PHLPP2: variants seen among roughly 807,000 people sequenced by gnomAD.
PHLPP2 encodes the protein PH domain leucine-rich repeat-containing protein phosphatase 2.
In PHLPP2, 66 loss-of-function variants were observed where a neutral mutation model predicts 124.9. The observed-to-expected ratio is 0.53, with a 90% CI of 0.43 to 0.65. The LOEUF is 0.65. Among genes scored for constraint, PHLPP2 ranks in the 30% least tolerant of loss-of-function variants. The probability of loss-of-function intolerance (pLI) is 0.00; values close to 1 mark genes in which losing one functional copy is unlikely to be tolerated. For missense variants in PHLPP2, 1,685 were observed against 1,600.4 expected (o/e 1.05, Z -0.90); for synonymous variants, 681 against 624.7 (o/e 1.09, Z -1.34).
intron 3 of PHLPP2, among the ~76,000 whole-genome samples, chr16:71,694,171 G>A (rs1049302767): frequency 6.6e-6 from 1 of 151,704 alleles, no homozygotes; most frequent in Admixed American, 6.6e-5. Context: ...TCCAACCTGG[G>A]TGACAGAGCA....
rs1229345009 is a variant in PHLPP2 at position 71,645,554 on chromosome 16, T to TACC, written c.*3335_*3336insGGT. ...TGGATAGATAGAGAAGGTGAGCCTG[T>TACC]GGCTTCCAAGTACCGGCTTTTGCTG... is the stretch of plus-strand genomic sequence containing the variant. On this transcript the variant is annotated 3_prime_UTR_variant, in exon 19 of 19. Transcript: ENST00000568954. 6.5e-6 allele frequency: 1 copy of TACC among 152,694 alleles called. No individual in the cohort carries two copies. Among genetic ancestry groups the TACC allele is most frequent in the East Asian group, 1.9e-4 (1 of 5,192 alleles). The allele number at this position is 152,694 out of a possible 1,614,324, so 9.5% of individuals were successfully genotyped here.
intron 1 of PHLPP2, among the ~76,000 whole-genome samples, chr16:71,719,454 C>T (rs930413600): frequency 6.6e-6 from 1 of 152,214 alleles, no homozygotes; most frequent in Non-Finnish European, 1.5e-5. Context: ...GCATGAGAAT[C>T]GCTTGAACAC....
At chr16:71,719,447 T>A (rs926033292) in intron 1 of PHLPP2, among the ~76,000 whole-genome samples, 3 of 152,196 alleles carry the variant, frequency 2.0e-5, no homozygotes, top group Non-Finnish European at 4.4e-5. Flanking sequence ...GGCTGAGGCA[T>A]GAGAATCGCT....
At chr16:71,691,453 G>A (rs921538961) in intron 3 of PHLPP2, among the ~76,000 whole-genome samples, 5 of 145,604 alleles carry the variant, frequency 3.4e-5, no homozygotes, top group African/African-American at 1.0e-4. Flanking sequence ...AGAGCAAGAC[G>A]CTGTCTCAAA....
intron 1 of PHLPP2, among the ~76,000 whole-genome samples, chr16:71,722,170 C>G (rs2045402555): frequency 6.6e-6 from 1 of 152,066 alleles, no homozygotes; most frequent in East Asian, 1.9e-4. Flanking sequence ...GGTGGCTCAT[C>G]CTTGTAATTC....
rs769351251 is a variant in PHLPP2 at position 71,669,358 on chromosome 16, C to T, written c.1545G>A (p.Glu515=). ...CTTCACAGGCCCAGTCAGGGACACA[C>T]TCTAGCAGGTTTCTGCAGAAAATAA... ...TFLDLSRNLL[E]CVPDWACEAK... is the part of the protein sequence containing the mutation. The change falls in exon 11 of 19, where the codon GAG becomes GAA. Residue 515 remains glutamate, a synonymous_variant. Coordinates refer to ENST00000568954, the MANE Select transcript of PHLPP2 (RefSeq NM_015020.3). 32 of 1,609,740 alleles carry T rather than the reference C, an allele frequency of 2.0e-5. No homozygotes were observed. Among genetic ancestry groups the T allele is most frequent in the Middle Eastern group, 3.3e-4 (2 of 6,082 alleles).
chr16:71,673,452 T>C (rs572516098), intron 9 of PHLPP2, among the ~76,000 whole-genome samples: 44 of 152,284 alleles, frequency 2.9e-4, no homozygotes, highest in Middle Eastern at 6.8e-3. Context: ...TATTAACTGA[T>C]CACATTTAGA....
At chr16:71,701,036 G>A (rs907693353) in intron 3 of PHLPP2, among the ~76,000 whole-genome samples, 2 of 152,066 alleles carry the variant, frequency 1.3e-5, no homozygotes, top group Non-Finnish European at 2.9e-5. Flanking sequence ...CCTACCAGCA[G>A]CTGGTGAGGA....
intron 7 of PHLPP2, 140 bp from the exon 8 acceptor site, chr16:71,679,125 C>A: frequency 1.6e-6 from 1 of 630,350 alleles, no homozygotes; most frequent in Non-Finnish European, 2.8e-6. Context: ...TCCATCTATG[C>A]AGACTTAATA....
In PHLPP2 at chr16:71,645,380, C is replaced by G. The variant is rs1396420548; in HGVS notation, c.*3510G>C. On this transcript the variant is annotated 3_prime_UTR_variant, in exon 19 of 19. Transcript: ENST00000568954. ...TGATTGGGAGTCGGAAAGCCTCCAC[C>G]CAGAAGGAAGTAAAAAGTGACACTA... The G allele has an allele frequency of 6.5e-6, 1 of 153,310 alleles. No homozygotes were observed. Among genetic ancestry groups the G allele is most frequent in the African/African-American group, 2.4e-5 (1 of 41,392 alleles). 9.5% of individuals were successfully genotyped at this position (153,310 alleles called of 1,614,324 possible).
At chr16:71,687,436 GAGT>G (rs1241333693) in intron 4 of PHLPP2, among the ~76,000 whole-genome samples, 1 of 152,066 alleles carries the variant, frequency 6.6e-6, no homozygotes, top group Non-Finnish European at 1.5e-5. Flanking sequence ...AACCTTCTAA[GAGT>G]AAGTTTTAAT....
In PHLPP2 at chr16:71,649,947, G is replaced by A. The variant is rs757987779; in HGVS notation, c.2915C>T (p.Pro972Leu). 43 of 1,613,952 alleles carry A rather than the reference G, an allele frequency of 2.7e-5. No homozygotes were observed. The highest frequency in any genetic ancestry group is 1.6e-4 in the Middle Eastern group (1 of 6,084). Reference sequence around the variant, plus strand: ...CAGCAACTCATCTTGAATGGTCAGCGGAGTGGAAGATATGTGGGGCTTGGG... The same window carrying A: ...CAGCAACTCATCTTGAATGGTCAGCAGAGTGGAAGATATGTGGGGCTTGGG... ...ILPKPHISST[P>L]LTIQDELLIL... The change falls in exon 19 of 19, where the codon CCG becomes CTG. Residue 972 changes from proline to leucine, a missense_variant. Transcript: ENST00000568954.
At chr16:71,702,132 A>G (rs1417358257) in intron 3 of PHLPP2, among the ~76,000 whole-genome samples, 1 of 152,124 alleles carries the variant, frequency 6.6e-6, no homozygotes, top group African/African-American at 2.4e-5. Flanking sequence ...ATCTTAAAAT[A>G]TTTTTCTCAG....
Position 71,663,977 on chromosome 16 carries a change from C to A in PHLPP2, c.1907G>T (p.Cys636Phe). Residue 636 changes from cysteine to phenylalanine, a missense_variant, in exon 13 of 19, where the codon TGC becomes TTC. By Grantham distance (205) the Cys-to-Phe change is radical. Coordinates refer to ENST00000568954, the MANE Select transcript of PHLPP2 (RefSeq NM_015020.3). ...CAGGTGCCCTACCAGGACAGGTATG[C>A]ACTGATCCGTCAGGAGATTGTTGGT... is the stretch of plus-strand genomic sequence containing the variant. ...YLTNNLLTDQ[C>F]IPVLVGHLHL... 11 of 1,613,890 alleles carry A rather than the reference C, an allele frequency of 6.8e-6. No homozygotes were observed. The highest frequency in any genetic ancestry group is 9.3e-6 in the Non-Finnish European group (11 of 1,179,762).
chr16:71,709,465 G>A (rs1327723027), intron 2 of PHLPP2, among the ~76,000 whole-genome samples: 1 of 152,038 alleles, frequency 6.6e-6, no homozygotes, highest in Non-Finnish European at 1.5e-5. Flanking sequence ...AAGAAAAACA[G>A]TTGGTTATTT....
chr16:71,671,655 C>T lies in PHLPP2; in HGVS notation c.1532+607G>A, dbSNP rs544427150. ...TCTGGCTGGGCTCGGTGGCTCACGCCTGTAATCCCAGCACTTTGGAAGGCC... is the reference window on the plus strand; with the variant it reads ...TCTGGCTGGGCTCGGTGGCTCACGCTTGTAATCCCAGCACTTTGGAAGGCC... On this transcript the variant is annotated intron_variant, in intron 10 of 18. Transcript: ENST00000568954. Among the ~76,000 whole-genome samples, 5 of 152,016 alleles carry T rather than the reference C, an allele frequency of 3.3e-5. No individual in the cohort carries two copies. The South Asian group carries it at 8.4e-4, about 26-fold the overall frequency.
chr16:71,676,824 C>G, intron 8 of PHLPP2, 175 bp from the exon 9 acceptor site: 1 of 574,978 alleles, frequency 1.7e-6, no homozygotes, highest in Non-Finnish European at 3.1e-6. Context: ...TCTCGGTTCA[C>G]TGCAACCTCT....
At chr16:71,692,626 G>C (rs1208940127) in intron 3 of PHLPP2, among the ~76,000 whole-genome samples, 1 of 151,616 alleles carries the variant, frequency 6.6e-6, no homozygotes, top group African/African-American at 2.4e-5. Flanking sequence ...CCTTGGTATT[G>C]GCAAGTGATT....
intron 2 of PHLPP2, 99 bp downstream of exon 2, chr16:71,714,413 C>G: frequency 2.1e-6 from 3 of 1,403,134 alleles, no homozygotes; most frequent in South Asian, 1.7e-5. Context: ...TAATCAACAT[C>G]AGTTCCGGCA....
Sources: gnomAD v4.1 joint callset for allele counts (sites outside exome capture counted in the v4.1 genomes callset) on GRCh38, gnomAD v4.1.1 for gene constraint, MANE v1.5 for transcripts, NCBI Gene and HGNC (gene_info 2026-07-23, HGNC 2026-07-21) for gene names.